The following LMTK2 variants were observed in gnomAD, a reference collection of about 807,000 sequenced individuals.
LMTK2 encodes serine/threonine-protein kinase LMTK2.
Under a neutral mutation model 127.5 loss-of-function variants are expected in LMTK2, and 37 were observed. That is an observed-to-expected ratio of 0.29 (90% CI 0.22 to 0.38). The LOEUF is 0.38. Ranked by LOEUF, LMTK2 falls within the 10% of genes least tolerant of loss-of-function variation. LMTK2 has a pLI of 1.00. For synonymous variants in LMTK2, 819 were observed against 810.1 expected, an observed-to-expected ratio of 1.01 and a Z score of -0.19; for missense variants, 1,694 against 1,920.3, an observed-to-expected ratio of 0.88 and a Z score of 2.20.
intron 9 of LMTK2, among the ~76,000 whole-genome samples, chr7:98,190,005 A>G (rs2116456765): frequency 6.7e-6 from 1 of 148,678 alleles, no homozygotes; most frequent in Non-Finnish European, 1.5e-5. Context: ...GTATTTTTCT[A>G]CCAAAAAAAA....
rs1225158490 is a variant in LMTK2, at chr7:98,209,385, A to G, written c.*3893A>G. On this transcript the variant is annotated 3_prime_UTR_variant, in exon 14 of 14. Coordinates refer to ENST00000297293, the MANE Select transcript of LMTK2 (RefSeq NM_014916.4). Reference sequence around the variant, plus strand: ...GATCATGGGGCTGGTGTATGGATCCACCGTCGGATTCCGTCTGCAGAGGAG... The same window carrying G: ...GATCATGGGGCTGGTGTATGGATCCGCCGTCGGATTCCGTCTGCAGAGGAG... 1 of 152,168 alleles carries G rather than the reference A, an allele frequency of 6.6e-6. No homozygotes were observed. The highest frequency in any genetic ancestry group is 1.9e-4 in the East Asian group (1 of 5,188). The allele number at this position is 152,168 out of a possible 1,614,324, so 9.4% of individuals were successfully genotyped here. A position where few individuals can be genotyped will look rare whatever the true frequency, so the allele number is the denominator to read the frequency against.
At chr7:98,133,069 A>C (rs994881465) in intron 1 of LMTK2, among the ~76,000 whole-genome samples, 2 of 152,224 alleles carry the variant, frequency 1.3e-5, no homozygotes, top group Non-Finnish European at 2.9e-5. Flanking sequence ...AAATGCTTTG[A>C]AAACTATTAA....
intron 1 of LMTK2, among the ~76,000 whole-genome samples, chr7:98,112,577 A>T (rs1796218018): frequency 6.6e-6 from 1 of 152,180 alleles, no homozygotes; most frequent in African/African-American, 2.4e-5. Context: ...CACAGAAGAG[A>T]ACTTCCCATT....
At chr7:98,195,715 G>A (rs1422125430) in intron 11 of LMTK2, among the ~76,000 whole-genome samples, 1 of 152,170 alleles carries the variant, frequency 6.6e-6, no homozygotes, top group Non-Finnish European at 1.5e-5. Flanking sequence ...TGGGTCCGTG[G>A]CTATGGCGGG....
At chr7:98,112,795 G>A (rs567229268) in intron 1 of LMTK2, among the ~76,000 whole-genome samples, 1 of 152,334 alleles carries the variant, frequency 6.6e-6, no homozygotes, top group East Asian at 1.9e-4. Context: ...TAATTGTGGA[G>A]TTTTTGCTGG....
chr7:98,189,261 G>C (rs1002856048), intron 9 of LMTK2, among the ~76,000 whole-genome samples: 2 of 152,136 alleles, frequency 1.3e-5, no homozygotes, highest in African/African-American at 4.8e-5. Context: ...AGAGAAAGTT[G>C]CTCCTGGTTC....
At chr7:98,172,381 T>C (rs1797207723) in intron 7 of LMTK2, among the ~76,000 whole-genome samples, 1 of 150,144 alleles carries the variant, frequency 6.7e-6, no homozygotes, top group Non-Finnish European at 1.5e-5. Context: ...CTCGGCTCAC[T>C]GCAAGCTCCA....
intron 3 of LMTK2, 130 bp downstream of exon 3, chr7:98,141,671 T>C (rs1796702372): frequency 4.5e-6 from 4 of 888,078 alleles, no homozygotes; most frequent in Non-Finnish European, 7.1e-6. Context: ...CTGCTCCCAG[T>C]GAAGCTGAAT....
rs1291877908 is a variant in LMTK2 at position 98,136,193 on chromosome 7, T to A, written c.104-1122T>A. 2.6e-5 allele frequency among the ~76,000 whole-genome samples: 4 copies of A among 152,206 alleles called. No homozygotes were observed. In the East Asian group the frequency reaches 7.7e-4, roughly 29 times the overall value. ...ATCGTTGGAGCCACAAAATAAGTGATGATGACTTTGGATTACAGCCCGGAG... is the reference window on the plus strand; with the variant it reads ...ATCGTTGGAGCCACAAAATAAGTGAAGATGACTTTGGATTACAGCCCGGAG... On this transcript the variant is annotated intron_variant, in intron 1 of 13. Coordinates refer to ENST00000297293, the MANE Select transcript of LMTK2 (RefSeq NM_014916.4).
intron 2 of LMTK2, among the ~76,000 whole-genome samples, chr7:98,141,022 G>C (rs889188405): frequency 1.3e-5 from 2 of 149,460 alleles, no homozygotes; most frequent in African/African-American, 4.9e-5. Context: ...ATGCCACTGT[G>C]CTCCAGTCAC....
At position 98,141,496 on chromosome 7, in the gene LMTK2, C is replaced by A. The variant is rs376389514; in HGVS notation, c.331C>A (p.Pro111Thr). Residue 111 changes from proline to threonine, a missense_variant, in exon 3 of 14, where the codon CCA becomes ACA. Physicochemically the swap from Pro to Thr is conservative, Grantham distance 38 (BLOSUM62 -1). Transcript: ENST00000297293. ...SPAEVFTLSV[P>T]NISLPAPSQF... is the part of the protein sequence containing the mutation. The stretch of plus-strand genomic sequence containing the variant: ...AGCAGAGGTCTTCACACTTTCAGTA[C>A]CAAATATTTCACTCCCAGCTCCCTC... 3.1e-6 allele frequency: 5 copies of A among 1,613,916 alleles called. No homozygotes were observed. Among genetic ancestry groups the A allele is most frequent in the Non-Finnish European group, 4.2e-6 (5 of 1,179,904 alleles).
At chr7:98,120,021 C>A (rs569637883) in intron 1 of LMTK2, among the ~76,000 whole-genome samples, 1 of 151,892 alleles carries the variant, frequency 6.6e-6, no homozygotes, top group African/African-American at 2.4e-5. Context: ...TTGATCTGTA[C>A]AAAATTTTCT....
At chr7:98,124,984 C>A (rs1224377488) in intron 1 of LMTK2, among the ~76,000 whole-genome samples, 1 of 152,106 alleles carries the variant, frequency 6.6e-6, no homozygotes, top group Non-Finnish European at 1.5e-5. Context: ...AAATGTGTTC[C>A]CTGGTCATTC....
chr7:98,140,147 CTTTTCTTTTCTTTTCTTTTCT>C (rs1262813765), intron 2 of LMTK2, among the ~76,000 whole-genome samples: 765 of 62,626 alleles, frequency 0.012, 156 homozygotes, highest in African/African-American at 0.017. Flanking sequence ...TCTTTCTTTT[CTTTTCTTTTCTTTTCTTTTCT>C]TTTCTTTCTT....
intron 9 of LMTK2, among the ~76,000 whole-genome samples, 182 bp downstream of exon 9, chr7:98,187,180 T>C (rs1054814693): frequency 1.3e-5 from 2 of 152,086 alleles, no homozygotes; most frequent in African/African-American, 4.8e-5. Flanking sequence ...GGTGATGGAG[T>C]TAACGTTTTG....
intron 1 of LMTK2, among the ~76,000 whole-genome samples, chr7:98,115,713 C>T (rs148302837): frequency 3.3e-5 from 5 of 152,142 alleles, no homozygotes; most frequent in East Asian, 3.9e-4. Context: ...AGGTTGAACC[C>T]GGGAGGCGGA....
intron 8 of LMTK2, among the ~76,000 whole-genome samples, chr7:98,185,682 C>CT (rs959892075): frequency 7.9e-5 from 12 of 151,766 alleles, no homozygotes; most frequent in African/African-American, 2.7e-4. Flanking sequence ...CAGCTCCGGG[C>CT]TGTCAGGAGA....
In LMTK2 at chr7:98,191,670, A is replaced by T; in HGVS notation, c.1205A>T (p.Asp402Val). The T allele has an allele frequency of 5.6e-6, 9 of 1,614,020 alleles. No individual in the cohort carries two copies. Among genetic ancestry groups the T allele is most frequent in the Non-Finnish European group, 7.6e-6 (9 of 1,179,958 alleles). ...LSPEKRPAAEDVHRLLTYLRL... is the reference protein window; with the variant it reads ...LSPEKRPAAEVVHRLLTYLRL... ...CCAGAAAAGAGACCCGCGGCTGAAG[A>T]TGTGCACAGGCTGCTGACTTACCTG... Residue 402 changes from aspartate (D) to valine (V), a missense_variant, in exon 11 of 14, where the codon GAT becomes GTT. Physicochemically the swap from Asp to Val is radical, Grantham distance 152 (BLOSUM62 -3). Transcript: ENST00000297293.
At chr7:98,160,574 A>G (rs998612369) in intron 6 of LMTK2, among the ~76,000 whole-genome samples, 1 of 152,172 alleles carries the variant, frequency 6.6e-6, no homozygotes. Flanking sequence ...AAAAAGAGAA[A>G]GTGTATTCTG....
Sources: allele counts gnomAD v4.1 joint callset (sites outside exome capture counted in the v4.1 genomes callset), GRCh38; gene constraint gnomAD v4.1.1; transcripts MANE v1.5; gene names NCBI Gene and HGNC (gene_info 2026-07-23, HGNC 2026-07-21).